Variants in RBFOX1 observed in about 807,000 individuals in gnomAD.
RBFOX1 encodes the protein RNA binding protein fox-1 homolog 1.
Under a neutral mutation model 57.7 loss-of-function variants are expected in RBFOX1, and 8 were observed. The observed-to-expected ratio is 0.14, with a 90% CI of 0.08 to 0.25. RBFOX1 has a LOEUF of 0.25. Among genes scored for constraint, RBFOX1 ranks in the 10% least tolerant of loss-of-function variants. RBFOX1 has a pLI of 1.00. For missense variants in RBFOX1, 611 were observed against 548.5 expected (o/e 1.11, Z -1.14); for synonymous variants, 326 against 222.4 (o/e 1.47, Z -4.15).
At chr16:7,693,431 TTTTC>T in intron 14 of RBFOX1, 3 of 1,323,884 alleles carry the variant, frequency 2.3e-6, no homozygotes, top group Non-Finnish European at 3.2e-6. Flanking sequence ...TTTTTTTTTT[TTTTC>T]TTCTTCACAT....
chr16:6,821,936 C>G (rs1391263924), intron 3 of RBFOX1, among the ~76,000 whole-genome samples: 5 of 152,142 alleles, frequency 3.3e-5, no homozygotes, highest in Admixed American at 2.6e-4. Flanking sequence ...CTGTTTTTCA[C>G]AGCTCTAGTT....
intron 3 of RBFOX1, among the ~76,000 whole-genome samples, chr16:7,029,300 G>T (rs77819643): frequency 1.7e-5 from 2 of 114,572 alleles, no homozygotes; most frequent in Non-Finnish European, 3.4e-5. Context: ...ATATATATAC[G>T]TATATGTATA....
intron 3 of RBFOX1, among the ~76,000 whole-genome samples, chr16:5,844,160 C>A (rs1005769949): frequency 1.3e-5 from 2 of 152,174 alleles, no homozygotes; most frequent in African/African-American, 4.8e-5. Context: ...GGACTTTGCC[C>A]ATCACCTACC....
At chr16:7,449,595 A>G (rs1355114794) in intron 4 of RBFOX1, among the ~76,000 whole-genome samples, 1 of 152,038 alleles carries the variant, frequency 6.6e-6, no homozygotes. Flanking sequence ...GTTAGACTTG[A>G]AATCTCTACT....
chr16:6,805,242 C>G (rs892835786), intron 3 of RBFOX1, among the ~76,000 whole-genome samples: 2 of 152,154 alleles, frequency 1.3e-5, no homozygotes, highest in African/African-American at 2.4e-5. Flanking sequence ...TTTGCAGGAA[C>G]ATGGATGGAG....
chr16:6,855,827 C>A (rs994262366), intron 3 of RBFOX1, among the ~76,000 whole-genome samples: 1 of 149,890 alleles, frequency 6.7e-6, no homozygotes, highest in East Asian at 2.0e-4. Flanking sequence ...TCCTCCTTCC[C>A]TCCCTCCTTC....
chr16:7,528,917 C>T (rs1025925525), intron 5 of RBFOX1, among the ~76,000 whole-genome samples: 3 of 152,172 alleles, frequency 2.0e-5, no homozygotes, highest in Non-Finnish European at 4.4e-5. Flanking sequence ...AGTTCATCTA[C>T]GCTATCTTCT....
At chr16:5,332,409 A>C (rs557831817) in intron 1 of RBFOX1, among the ~76,000 whole-genome samples, 110 of 151,990 alleles carry the variant, frequency 7.2e-4, no homozygotes, top group Non-Finnish European at 1.2e-3. Flanking sequence ...TTACAGGTAC[A>C]TGCCACCATG....
rs1567220134 is a variant in RBFOX1 at position 7,448,924 on chromosome 16, C to CTTTT, written c.28-69223_28-69222insTTTT. Among the ~76,000 whole-genome samples, 3 of 53,378 alleles carry CTTTT rather than the reference C, an allele frequency of 5.6e-5. 1 individual carries two copies. Among genetic ancestry groups the CTTTT allele is most frequent in the Non-Finnish European group, 1.0e-4 (3 of 29,180 alleles). 35.0% of individuals were successfully genotyped at this position (53,378 alleles called of 152,430 possible). ...GTTCTTGGTAGACATTTTTCTTTCC[C>CTTTT]CTGTTTTTTTTTTTTTTTTTTTGAG... is the stretch of plus-strand genomic sequence containing the variant. On this transcript the variant is annotated intron_variant, in intron 4 of 15. Coordinates refer to ENST00000550418, the MANE Select transcript of RBFOX1 (RefSeq NM_018723.4).
chr16:5,821,070 T>G (rs1032744224), intron 3 of RBFOX1, among the ~76,000 whole-genome samples: 4 of 152,024 alleles, frequency 2.6e-5, no homozygotes, highest in Admixed American at 2.6e-4. Context: ...TGCCCTGAGG[T>G]GCTCCTACCA....
chr16:5,484,603 C>T (rs2069660489), intron 2 of RBFOX1, among the ~76,000 whole-genome samples: 1 of 152,082 alleles, frequency 6.6e-6, no homozygotes, highest in Non-Finnish European at 1.5e-5. Flanking sequence ...CATAGCGAGA[C>T]CTTGTCTGTA....
intron 3 of RBFOX1, among the ~76,000 whole-genome samples, chr16:6,655,842 T>C (rs1363162343): frequency 1.3e-5 from 2 of 152,216 alleles, no homozygotes; most frequent in East Asian, 1.9e-4. Flanking sequence ...GCTCTGATTG[T>C]ATCATGACTG....
intron 2 of RBFOX1, among the ~76,000 whole-genome samples, chr16:6,374,094 T>C (rs1567146392): frequency 6.6e-6 from 1 of 152,222 alleles, no homozygotes; most frequent in Non-Finnish European, 1.5e-5. Flanking sequence ...ATTTACCTTT[T>C]AAAGAAAACT....
chr16:7,140,091 G>T (rs906520151), intron 4 of RBFOX1, among the ~76,000 whole-genome samples: 2 of 148,630 alleles, frequency 1.3e-5, no homozygotes, highest in African/African-American at 5.0e-5. Flanking sequence ...GGTATTTATG[G>T]ACTGTTCTCT....
intron 4 of RBFOX1, among the ~76,000 whole-genome samples, chr16:7,176,974 A>C (rs1358133033): frequency 6.6e-6 from 1 of 152,192 alleles, no homozygotes; most frequent in Non-Finnish European, 1.5e-5. Context: ...TTTACAAGGT[A>C]GTTTTCAATA....
chr16:5,387,894 A>G (rs1022462519), intron 1 of RBFOX1, among the ~76,000 whole-genome samples: 1 of 152,238 alleles, frequency 6.6e-6, no homozygotes, highest in Non-Finnish European at 1.5e-5. Flanking sequence ...GAAGAGGCAG[A>G]CAGCAGGCTC....
At chr16:6,855,594 A>G (rs569639030) in intron 3 of RBFOX1, among the ~76,000 whole-genome samples, 5 of 149,392 alleles carry the variant, frequency 3.3e-5, no homozygotes, top group Non-Finnish European at 7.4e-5. Context: ...TGGAGCTTGC[A>G]GTGAGCCTGG....
intron 1 of RBFOX1, among the ~76,000 whole-genome samples, chr16:6,218,057 G>T (rs1324163517): frequency 6.6e-6 from 1 of 152,116 alleles, no homozygotes; most frequent in Non-Finnish European, 1.5e-5. Context: ...GAAAAGTTGT[G>T]TAATCAGTTC....
intron 3 of RBFOX1, among the ~76,000 whole-genome samples, chr16:5,762,545 C>A (rs879515915): frequency 2.6e-5 from 4 of 152,142 alleles, no homozygotes; most frequent in African/African-American, 9.7e-5. Flanking sequence ...CCCGGCAATT[C>A]CACTTTGGGA....
Sources: gnomAD v4.1 joint callset for allele counts (sites outside exome capture counted in the v4.1 genomes callset) on GRCh38, gnomAD v4.1.1 for gene constraint, MANE v1.5 for transcripts, NCBI Gene and HGNC (gene_info 2026-07-23, HGNC 2026-07-21) for gene names.